PTPN2: variants seen among roughly 807,000 people sequenced by gnomAD.
PTPN2 encodes protein tyrosine phosphatase non-receptor type 2, also known as tyrosine-protein phosphatase non-receptor type 2.
In PTPN2, 19 loss-of-function variants were observed where a neutral mutation model predicts 57.3. That is an observed-to-expected ratio of 0.33 (90% CI 0.23 to 0.49). The LOEUF (loss-of-function observed/expected upper bound fraction) is 0.49, where lower values mean the gene tolerates loss of function less well. Among genes scored for constraint, PTPN2 ranks in the 20% least tolerant of loss-of-function variants. The pLI, the probability that PTPN2 is intolerant of heterozygous loss-of-function variation, is 0.99. For missense variants in PTPN2, 358 were observed against 501.1 expected, an observed-to-expected ratio of 0.71 and a Z score of 2.73; for synonymous variants, 153 against 164.9, an observed-to-expected ratio of 0.93 and a Z score of 0.55.
At chr18:12,817,046 T>G in intron 6 of PTPN2, 110 bp downstream of exon 6, 1 of 1,075,000 alleles carries the variant, frequency 9.3e-7, no homozygotes, top group Non-Finnish European at 1.4e-6. Flanking sequence ...GAAGTTTAAG[T>G]TGAAAAACCT....
intron 2 of PTPN2, among the ~76,000 whole-genome samples, chr18:12,853,595 A>G (rs763080636): frequency 6.6e-6 from 1 of 152,188 alleles, no homozygotes; most frequent in Non-Finnish European, 1.5e-5. Flanking sequence ...CACGGGAAAG[A>G]GGTTGTTGAG....
At chr18:12,810,796 G>A (rs190965571) in intron 7 of PTPN2, among the ~76,000 whole-genome samples, 2 of 152,258 alleles carry the variant, frequency 1.3e-5, no homozygotes, top group Non-Finnish European at 2.9e-5. Context: ...GAGGTCTCTG[G>A]ACTTCATGAG....
chr18:12,844,571 A>G (rs1359217490), intron 2 of PTPN2, among the ~76,000 whole-genome samples: 3 of 152,022 alleles, frequency 2.0e-5, no homozygotes, highest in African/African-American at 4.8e-5. Context: ...CATCTGTGTC[A>G]TATCTTTTGC....
chr18:12,853,881 T>C (rs781022136), intron 2 of PTPN2, among the ~76,000 whole-genome samples: 1 of 152,032 alleles, frequency 6.6e-6, no homozygotes, highest in Non-Finnish European at 1.5e-5. Context: ...TGCAGCACTA[T>C]TAGAGAGGAG....
chr18:12,807,373 G>T (rs1270525913), intron 7 of PTPN2, among the ~76,000 whole-genome samples: 1 of 151,322 alleles, frequency 6.6e-6, no homozygotes, highest in Non-Finnish European at 1.5e-5. Context: ...CAGCATAAAG[G>T]TTCCTTAAAA....
intron 1 of PTPN2, among the ~76,000 whole-genome samples, chr18:12,862,915 G>GTAAC (rs111992663): frequency 0.87 from 131,245 of 151,400 alleles, 58,220 homozygotes; most frequent in Non-Finnish European, 0.96. Context: ...AATCAGGTCT[G>GTAAC]TAATATACGC....
chr18:12,873,550 G>T (rs1203098960), intron 1 of PTPN2, among the ~76,000 whole-genome samples: 3 of 152,228 alleles, frequency 2.0e-5, no homozygotes, highest in African/African-American at 7.2e-5. Flanking sequence ...TCGGCCTCCG[G>T]AGGTGCCGGG....
intron 1 of PTPN2, chr18:12,883,809 G>A (rs1334801423): frequency 3.0e-6 from 1 of 333,986 alleles, no homozygotes; most frequent in Non-Finnish European, 5.5e-6. Context: ...AAGCCGCTGT[G>A]GCACCGCCCT....
chr18:12,843,968 C>G (rs553275932), intron 2 of PTPN2: 4 of 152,358 alleles, frequency 2.6e-5, no homozygotes, highest in Admixed American at 6.5e-5. Flanking sequence ...CATTCCACCC[C>G]TAACCACCGA....
downstream of PTPN2, among the ~76,000 whole-genome samples, chr18:12,790,004 T>C (rs1406295498): frequency 6.6e-6 from 1 of 151,936 alleles, no homozygotes; most frequent in East Asian, 1.9e-4. Context: ...TCCATCATAG[T>C]TCACTGCAGC....
At chr18:12,879,893 A>AC (rs1476062668) in intron 1 of PTPN2, among the ~76,000 whole-genome samples, 1 of 152,176 alleles carries the variant, frequency 6.6e-6, no homozygotes, top group African/African-American at 2.4e-5. Context: ...CAGAAACATC[A>AC]CCCACTGCTG....
In PTPN2 at chr18:12,802,292, C is replaced by T. The variant is rs537258517; in HGVS notation, c.859-141G>A. The stretch of plus-strand genomic sequence containing the variant: ...AAAAGATGAGTGAAAAAGAAAAAGG[C>T]ATTTTGCCATACTGTAGCTTGTAAC... On this transcript the variant is annotated intron_variant, in intron 7 of 8. Transcript: ENST00000309660. 6.0e-4 allele frequency: 400 copies of T among 668,858 alleles called. 3 individuals carry two copies. The highest frequency in any genetic ancestry group is 2.1e-3 in the Middle Eastern group (5 of 2,362). The allele number at this position is 668,858 out of a possible 1,614,324, so 41.4% of individuals were successfully genotyped here.
chr18:12,807,586 A>AATATATATATATATATAT (rs1339941310), intron 7 of PTPN2, among the ~76,000 whole-genome samples: 2 of 35,190 alleles, frequency 5.7e-5, no homozygotes, highest in Non-Finnish European at 6.1e-5. Flanking sequence ...AAAAAAAAAA[A>AATATATATATATATATAT]ATATATATAT....
At chr18:12,800,381 A>G (rs1263841224) in intron 8 of PTPN2, among the ~76,000 whole-genome samples, 4 of 152,174 alleles carry the variant, frequency 2.6e-5, no homozygotes, top group African/African-American at 9.7e-5. Flanking sequence ...AAGCAGTAAC[A>G]CTAGGAATCT....
chr18:12,819,501 T>TGTAC (rs1406650258), intron 5 of PTPN2, among the ~76,000 whole-genome samples: 7 of 151,982 alleles, frequency 4.6e-5, no homozygotes, highest in Admixed American at 4.6e-4. Context: ...CAGGACTGAC[T>TGTAC]GTACACAAGC....
chr18:12,814,250 C>T lies in PTPN2; in HGVS notation c.811G>A (p.Ala271Thr). The change falls in exon 7 of 9, where the codon GCT (alanine) becomes ACT (threonine). Residue 271 changes from alanine (A) to threonine (T), a missense_variant. Transcript: ENST00000309660. ...ATACATTTTGCTCCTTCTATTATAG[C>T]CATGTATGAGAATCTCAGTTGATCT... ...TPDQLRFSYM[A>T]IIEGAKCIKG... is the part of the protein sequence containing the mutation. 1 of 1,606,740 alleles carries T rather than the reference C, an allele frequency of 6.2e-7. No individual in the cohort carries two copies. Among genetic ancestry groups the T allele is most frequent in the Non-Finnish European group, 8.5e-7 (1 of 1,175,028 alleles).
At chr18:12,791,338 C>G (rs1439993840), downstream of PTPN2, among the ~76,000 whole-genome samples, 1 of 152,020 alleles carries the variant, frequency 6.6e-6, no homozygotes, top group Non-Finnish European at 1.5e-5. Flanking sequence ...TTTTTTCTTC[C>G]TTAAGCAACA....
At chr18:12,847,912 T>TA (rs1436968590) in intron 2 of PTPN2, among the ~76,000 whole-genome samples, 18,757 of 132,408 alleles carry the variant, frequency 0.14, 1,298 homozygotes, top group Non-Finnish European at 0.17. Context: ...ACTGAATATT[T>TA]AAAAAAAAAA....
intron 4 of PTPN2, among the ~76,000 whole-genome samples, chr18:12,829,668 A>C (rs2042601682): frequency 6.6e-6 from 1 of 152,098 alleles, no homozygotes; most frequent in Non-Finnish European, 1.5e-5. Context: ...GCCACTCTCC[A>C]CCAGAAAAAC....
Sources: gnomAD v4.1 joint callset for allele counts (sites outside exome capture counted in the v4.1 genomes callset) on GRCh38, gnomAD v4.1.1 for gene constraint, MANE v1.5 for transcripts, NCBI Gene and HGNC (gene_info 2026-07-23, HGNC 2026-07-21) for gene names.